The following CTNNA2 variants were observed in gnomAD, a reference collection of about 807,000 sequenced individuals.
CTNNA2 encodes catenin alpha 2.
Under a neutral mutation model 101.0 loss-of-function variants are expected in CTNNA2, and 42 were observed. The observed-to-expected ratio is 0.42, with a 90% CI of 0.32 to 0.54. The LOEUF is 0.54. Among genes scored for constraint, CTNNA2 ranks in the 20% least tolerant of loss-of-function variants. CTNNA2 has a pLI of 0.14. For missense variants in CTNNA2, 871 were observed against 1,223.1 expected, an observed-to-expected ratio of 0.71 and a Z score of 4.29; for synonymous variants, 450 against 456.4, an observed-to-expected ratio of 0.99 and a Z score of 0.18.
intron 17 of CTNNA2, among the ~76,000 whole-genome samples, chr2:80,617,339 A>G (rs1399209818): frequency 2.0e-5 from 3 of 151,790 alleles, no homozygotes; most frequent in African/African-American, 4.8e-5. Flanking sequence ...CAATGATCCA[A>G]TATGTAAAAG....
At chr2:79,908,608 C>A (rs777355955) in intron 6 of CTNNA2, among the ~76,000 whole-genome samples, 1 of 152,192 alleles carries the variant, frequency 6.6e-6, no homozygotes, top group South Asian at 2.1e-4. Context: ...CATACCATCA[C>A]GCTCTACCCT....
chr2:79,419,315 T>C (rs1260973346), intron 4 of CTNNA2, among the ~76,000 whole-genome samples: 2 of 152,170 alleles, frequency 1.3e-5, no homozygotes, highest in Non-Finnish European at 2.9e-5. Flanking sequence ...ATCAGTAAGA[T>C]GGTAATGCTA....
chr2:79,252,418 C>T (rs1674784703), intron 2 of CTNNA2, among the ~76,000 whole-genome samples: 1 of 151,758 alleles, frequency 6.6e-6, no homozygotes, highest in African/African-American at 2.4e-5. Flanking sequence ...ATCTTCACCT[C>T]TGGTTTTGTG....
chr2:79,791,841 A>G (rs954820970), intron 3 of CTNNA2, among the ~76,000 whole-genome samples: 5 of 152,158 alleles, frequency 3.3e-5, no homozygotes, highest in African/African-American at 1.2e-4. Context: ...GCAAGGGATC[A>G]TGTGTAATTT....
At chr2:79,280,122 C>T (rs1336014207) in intron 2 of CTNNA2, among the ~76,000 whole-genome samples, 1 of 152,024 alleles carries the variant, frequency 6.6e-6, no homozygotes, top group Non-Finnish European at 1.5e-5. Flanking sequence ...TCCGTCCTAC[C>T]GTCAATTTGT....
intron 1 of CTNNA2, among the ~76,000 whole-genome samples, chr2:79,555,016 C>T (rs1446038927): frequency 6.6e-6 from 1 of 152,120 alleles, no homozygotes; most frequent in African/African-American, 2.4e-5. Flanking sequence ...CCCTTAGAGG[C>T]TAAAGCCCAG....
chr2:80,317,622 C>T (rs554042664), intron 7 of CTNNA2, among the ~76,000 whole-genome samples: 2 of 152,268 alleles, frequency 1.3e-5, no homozygotes, highest in South Asian at 2.1e-4. Flanking sequence ...AAACTTTCCT[C>T]CTGGATTCCC....
intron 2 of CTNNA2, among the ~76,000 whole-genome samples, chr2:79,661,510 T>C (rs987887284): frequency 6.6e-6 from 1 of 152,192 alleles, no homozygotes; most frequent in African/African-American, 2.4e-5. Context: ...ATTCTTGGGG[T>C]TTCCCCCACA....
chr2:79,636,111 A>C (rs1300059380), intron 1 of CTNNA2, among the ~76,000 whole-genome samples: 1 of 149,942 alleles, frequency 6.7e-6, no homozygotes, highest in African/African-American at 2.4e-5. Context: ...AATACAAAAA[A>C]AAAAAAAAAT....
At chr2:80,559,878 T>TATCTATCTATATATATATATATATA (rs1693393440) in intron 12 of CTNNA2, among the ~76,000 whole-genome samples, 1 of 113,936 alleles carries the variant, frequency 8.8e-6, no homozygotes, top group African/African-American at 3.0e-5. Flanking sequence ...GATATCATAT[T>TATCTATCTATATATATATATATATA]TATATATATA....
intron 12 of CTNNA2, chr2:80,573,293 C>T (rs534040338): frequency 1.8e-4 from 27 of 152,258 alleles, no homozygotes; most frequent in South Asian, 1.0e-3. Flanking sequence ...CCAGACGCTC[C>T]GCTGAGTTTA....
At chr2:80,258,811 A>G (rs1191421728) in intron 7 of CTNNA2, among the ~76,000 whole-genome samples, 1 of 152,084 alleles carries the variant, frequency 6.6e-6, no homozygotes, top group Non-Finnish European at 1.5e-5. Context: ...GGACAAAGGG[A>G]CACATATTGA....
At chr2:79,805,477 A>G (rs1409676347) in intron 3 of CTNNA2, among the ~76,000 whole-genome samples, 2 of 152,176 alleles carry the variant, frequency 1.3e-5, no homozygotes, top group South Asian at 2.1e-4. Context: ...ATTAGCACTC[A>G]AGAAGTTTTG....
chr2:80,162,423 A>G (rs894183178), intron 7 of CTNNA2: 15 of 1,538,152 alleles, frequency 9.8e-6, no homozygotes, highest in African/African-American at 2.8e-5. Flanking sequence ...ATGACCCTAT[A>G]AAAACAATGT....
intron 3 of CTNNA2, among the ~76,000 whole-genome samples, chr2:79,766,573 A>G (rs1210922164): frequency 6.6e-6 from 1 of 151,970 alleles, no homozygotes; most frequent in African/African-American, 2.4e-5. Flanking sequence ...ATCTTTCTCT[A>G]GGTTTGAGAA....
intron 4 of CTNNA2, among the ~76,000 whole-genome samples, chr2:79,382,925 A>T (rs1263783522): frequency 6.6e-6 from 1 of 152,174 alleles, no homozygotes; most frequent in Non-Finnish European, 1.5e-5. Flanking sequence ...TAAACTATTA[A>T]ATTTTAATAA....
chr2:79,200,738 T>A (rs921965841), intron 2 of CTNNA2, among the ~76,000 whole-genome samples: 5 of 152,112 alleles, frequency 3.3e-5, no homozygotes, highest in African/African-American at 1.2e-4. Flanking sequence ...TGAAGGCCTT[T>A]TAATACAAAC....
At chr2:80,638,741 A>T (rs1673131303) in intron 18 of CTNNA2, among the ~76,000 whole-genome samples, 2 of 152,376 alleles carry the variant, frequency 1.3e-5, no homozygotes, top group South Asian at 2.1e-4. Context: ...CATAATTGAA[A>T]AAATGCAAAT....
rs368636922 is a variant in CTNNA2 at position 79,875,756 on chromosome 2, A to G, written c.852+1414A>G. ...GTTTTTTTTGTGAGGATTAAATATG[A>G]TAATATATTTAAAGCACTTGCTACA... On this transcript the variant is annotated intron_variant, in intron 6 of 18. Coordinates refer to ENST00000402739, the MANE Select transcript of CTNNA2 (RefSeq NM_001282597.3). Among the ~76,000 whole-genome samples, 9 of 152,238 alleles carry G rather than the reference A, an allele frequency of 5.9e-5. No individual in the cohort carries two copies. In the East Asian group the frequency reaches 1.5e-3, roughly 26 times the overall value.
Sources: gnomAD v4.1 joint callset for allele counts (sites outside exome capture counted in the v4.1 genomes callset) on GRCh38, gnomAD v4.1.1 for gene constraint, MANE v1.5 for transcripts, NCBI Gene and HGNC (gene_info 2026-07-23, HGNC 2026-07-21) for gene names.